The following PLPPR5 variants were observed in gnomAD, a reference collection of about 807,000 sequenced individuals.
PLPPR5 encodes phospholipid phosphatase-related protein type 5.
PLPPR5 carries 16 observed loss-of-function variants against 33.9 expected under a neutral mutation model. The observed-to-expected ratio is 0.47, with a 90% CI of 0.32 to 0.72. PLPPR5 has a LOEUF of 0.72. Among genes scored for constraint, PLPPR5 ranks in the 30% least tolerant of loss-of-function variants. The pLI is 0.03. For missense variants in PLPPR5, 301 were observed against 406.7 expected (o/e 0.74, Z 2.23); for synonymous variants, 163 against 150.3 (o/e 1.08, Z -0.62).
intron 1 of PLPPR5, among the ~76,000 whole-genome samples, chr1:98,991,691 T>C (rs1487820518): frequency 1.3e-5 from 2 of 152,088 alleles, no homozygotes; most frequent in Non-Finnish European, 2.9e-5. Context: ...TTGAGGTCAG[T>C]GAGGAGATTC....
chr1:98,988,506 T>C (rs905865247), intron 1 of PLPPR5, among the ~76,000 whole-genome samples: 5 of 152,112 alleles, frequency 3.3e-5, no homozygotes, highest in African/African-American at 1.2e-4. Flanking sequence ...TCTAGTTTCC[T>C]CCAATATTGG....
intron 5 of PLPPR5, among the ~76,000 whole-genome samples, chr1:98,904,654 G>A (rs1265287132): frequency 6.6e-6 from 1 of 152,082 alleles, no homozygotes; most frequent in Non-Finnish European, 1.5e-5. Flanking sequence ...ACTGGCCCTT[G>A]GAGTGAGAAT....
chr1:98,943,168 G>C (rs1650440618), intron 3 of PLPPR5, among the ~76,000 whole-genome samples: 1 of 152,180 alleles, frequency 6.6e-6, no homozygotes, highest in South Asian at 2.1e-4. Context: ...AAGAAAATGG[G>C]AATGTATGAC....
intron 1 of PLPPR5, among the ~76,000 whole-genome samples, chr1:98,970,069 C>T (rs1282927985): frequency 6.6e-6 from 1 of 151,962 alleles, no homozygotes; most frequent in African/African-American, 2.4e-5. Context: ...AAACAGACTG[C>T]CAGAACAAAT....
rs1159403787 is a variant in PLPPR5, at chr1:98,953,198, G to T, written c.493C>A (p.Gln165Lys). The change falls in exon 3 of 6, where the codon CAG becomes AAG. Residue 165 changes from glutamine to lysine, a missense_variant. By Grantham distance (53) the Gln-to-Lys change is moderately conservative. Coordinates refer to ENST00000263177, the MANE Select transcript of PLPPR5 (RefSeq NM_001037317.2). ...CCACTGATGAATTGTGTATACTGCTGACATCCAAGTGCTGTATAATTGGGC... is the reference window on the plus strand; with the variant it reads ...CCACTGATGAATTGTGTATACTGCTTACATCCAAGTGCTGTATAATTGGGC... ...CKPNYTALGC[Q>K]QYTQFISGEE... 8 of 1,614,078 alleles carry T rather than the reference G, an allele frequency of 5.0e-6. No individual in the cohort carries two copies. The East Asian group carries it at 1.8e-4, about 36-fold the overall frequency.
intron 1 of PLPPR5, among the ~76,000 whole-genome samples, chr1:98,964,914 C>G (rs1340041393): frequency 3.3e-5 from 5 of 152,038 alleles, no homozygotes. Flanking sequence ...ATCCTCCTGC[C>G]TCAGCCTCCT....
chr1:98,914,721 T>C, intron 5 of PLPPR5, 65 bp downstream of exon 5: 1 of 1,400,302 alleles, frequency 7.1e-7, no homozygotes, highest in Middle Eastern at 1.9e-4. Context: ...GCTCCAGATA[T>C]ACATACAGGA....
intron 1 of PLPPR5, among the ~76,000 whole-genome samples, chr1:98,992,735 CT>C (rs1652490654): frequency 1.3e-5 from 2 of 152,068 alleles, no homozygotes; most frequent in African/African-American, 4.8e-5. Flanking sequence ...TCAGTAAAAT[CT>C]TTTGGGACAA....
At chr1:98,984,727 A>T (rs1436997561) in intron 1 of PLPPR5, among the ~76,000 whole-genome samples, 1 of 152,018 alleles carries the variant, frequency 6.6e-6, no homozygotes, top group African/African-American at 2.4e-5. Context: ...ATCCTATCCC[A>T]AAAGTGAAAA....
chr1:98,938,796 T>TA (rs907946861), intron 3 of PLPPR5, among the ~76,000 whole-genome samples: 17 of 152,038 alleles, frequency 1.1e-4, no homozygotes. Flanking sequence ...TATGCAGCTG[T>TA]AAAAATAAAT....
At chr1:98,985,046 C>T (rs1376993688) in intron 1 of PLPPR5, among the ~76,000 whole-genome samples, 1 of 152,098 alleles carries the variant, frequency 6.6e-6, no homozygotes, top group African/African-American at 2.4e-5. Context: ...TCATTGGTCT[C>T]AACAAGCCTG....
At chr1:98,997,738 C>T (rs1318393425) in intron 1 of PLPPR5, among the ~76,000 whole-genome samples, 1 of 152,232 alleles carries the variant, frequency 6.6e-6, no homozygotes, top group Non-Finnish European at 1.5e-5. Context: ...TGCTAACCAT[C>T]TCCAATGACC....
At chr1:98,999,995 G>C (rs1157044592) in intron 1 of PLPPR5, among the ~76,000 whole-genome samples, 1 of 152,088 alleles carries the variant, frequency 6.6e-6, no homozygotes, top group Admixed American at 6.5e-5. Context: ...AATCATCTAT[G>C]TTGCTCAGAG....
intron 5 of PLPPR5, among the ~76,000 whole-genome samples, chr1:98,900,727 C>T (rs974567039): frequency 6.6e-5 from 10 of 151,998 alleles, no homozygotes; most frequent in Non-Finnish European, 8.8e-5. Flanking sequence ...AGAGAAGAAT[C>T]GGAGGATGTG....
chr1:98,968,863 A>C (rs1651546482), intron 1 of PLPPR5, among the ~76,000 whole-genome samples: 1 of 152,098 alleles, frequency 6.6e-6, no homozygotes, highest in African/African-American at 2.4e-5. Context: ...ATTAGCTACT[A>C]AGATACAAAG....
chr1:99,003,468 C>T (rs1189457504), intron 1 of PLPPR5, among the ~76,000 whole-genome samples: 1 of 152,006 alleles, frequency 6.6e-6, no homozygotes, highest in Non-Finnish European at 1.5e-5. Flanking sequence ...GGAAGGGAAC[C>T]TCCAATACTT....
At chr1:98,896,017 G>A (rs1253293211) in intron 5 of PLPPR5, among the ~76,000 whole-genome samples, 1 of 151,838 alleles carries the variant, frequency 6.6e-6, no homozygotes, top group East Asian at 1.9e-4. Context: ...ATTTATCTCA[G>A]TAGTTTTTTT....
At chr1:98,953,459 T>C (rs1650875823) in intron 2 of PLPPR5, 139 bp from the exon 3 acceptor site, 3 of 1,285,510 alleles carry the variant, frequency 2.3e-6, no homozygotes, top group Admixed American at 2.7e-5. Context: ...TCCATGCATA[T>C]ACATAGTTCC....
intron 5 of PLPPR5, among the ~76,000 whole-genome samples, chr1:98,902,993 T>A (rs1309843408): frequency 6.6e-6 from 1 of 152,040 alleles, no homozygotes; most frequent in Admixed American, 6.6e-5. Context: ...TGTGGAAAAA[T>A]TGATTCTGAG....
Sources: gnomAD v4.1 joint callset for allele counts (sites outside exome capture counted in the v4.1 genomes callset) on GRCh38, gnomAD v4.1.1 for gene constraint, MANE v1.5 for transcripts, NCBI Gene and HGNC (gene_info 2026-07-23, HGNC 2026-07-21) for gene names.